CDH23: variants seen among roughly 807,000 people sequenced by gnomAD.
CDH23 encodes cadherin-23.
Under a neutral mutation model 317.1 loss-of-function variants are expected in CDH23, and 189 were observed. That is an observed-to-expected ratio of 0.60 (90% CI 0.53 to 0.67). The LOEUF is 0.67. Ranked by LOEUF, CDH23 falls within the 30% of genes least tolerant of loss-of-function variation. CDH23 has a pLI of 0.00. For synonymous variants in CDH23, 1,839 were observed against 1,876.8 expected (o/e 0.98, Z 0.52); for missense variants, 4,401 against 4,592.4 (o/e 0.96, Z 1.20).
rs1424767460 is a variant in CDH23 at position 71,741,388 on chromosome 10, G to A, written c.4618-306G>A. 3.3e-5 allele frequency among the ~76,000 whole-genome samples: 5 copies of A among 152,284 alleles called. 1 individual carries two copies. Among genetic ancestry groups the A allele is most frequent in the South Asian group, 4.1e-4 (2 of 4,824 alleles). The stretch of plus-strand genomic sequence containing the variant: ...CCTCACTTCAGCCCACTGATTGGCT[G>A]TGTGGACTTGCACACATTCCTTCCC... On this transcript the variant is annotated intron_variant, in intron 37 of 69. Coordinates refer to ENST00000224721, the MANE Select transcript of CDH23 (RefSeq NM_022124.6).
intron 38 of CDH23, among the ~76,000 whole-genome samples, chr10:71,777,236 T>C (rs1840834676): frequency 1.3e-5 from 2 of 152,236 alleles, no homozygotes; most frequent in South Asian, 2.1e-4. Flanking sequence ...TTGGGCCGAG[T>C]GCCTCACATT....
chr10:71,682,230 C>T (rs181277608), intron 17 of CDH23, among the ~76,000 whole-genome samples: 1 of 152,334 alleles, frequency 6.6e-6, no homozygotes, highest in East Asian at 1.9e-4. Context: ...TACATTACCA[C>T]CAGCTATCAC....
At position 71,431,658 on chromosome 10, in the gene CDH23, C is replaced by T. The variant is rs1849377415; in HGVS notation, c.-5-8169C>T. On this transcript the variant is annotated intron_variant, in intron 1 of 69. Coordinates refer to ENST00000224721, the MANE Select transcript of CDH23 (RefSeq NM_022124.6). ...TTATGGGAATTCATAACAGTTCAAA[C>T]TAAATCGTGGCACCATGCTGTGAAA... Among the ~76,000 whole-genome samples, 4 of 152,384 alleles carry T rather than the reference C, an allele frequency of 2.6e-5. No homozygotes were observed. In the South Asian group the frequency reaches 8.3e-4, roughly 32 times the overall value.
intron 6 of CDH23, among the ~76,000 whole-genome samples, chr10:71,535,254 G>A (rs61853868): frequency 6.6e-6 from 1 of 152,228 alleles, no homozygotes. Flanking sequence ...GTAAATTATA[G>A]CCTGTGTCTT....
intron 40 of CDH23, 123 bp downstream of exon 40, chr10:71,778,431 C>T: frequency 3.9e-6 from 5 of 1,289,396 alleles, no homozygotes; most frequent in Non-Finnish European, 5.4e-6. Flanking sequence ...AAATCCAAGA[C>T]CCCTGTCCTA....
intron 1 of CDH23, among the ~76,000 whole-genome samples, chr10:71,408,193 T>G (rs1848198698): frequency 1.3e-5 from 2 of 152,304 alleles, no homozygotes; most frequent in South Asian, 4.1e-4. Context: ...CCATCTTTTT[T>G]GGATTTGTAC....
intron 11 of CDH23, among the ~76,000 whole-genome samples, chr10:71,640,420 G>A (rs1342534815): frequency 6.6e-6 from 1 of 152,192 alleles, no homozygotes. Flanking sequence ...TCAGACATTA[G>A]TGAGCATCAG....
intron 64 of CDH23, 30 bp downstream of exon 64, chr10:71,811,620 G>A (rs775257531): frequency 6.2e-7 from 1 of 1,613,768 alleles, no homozygotes; most frequent in South Asian, 1.1e-5. Flanking sequence ...GCCATCAGGG[G>A]GCCGACCACC....
intron 31 of CDH23, 102 bp downstream of exon 31, chr10:71,730,706 T>C (rs1839347131): frequency 3.3e-6 from 5 of 1,516,082 alleles, no homozygotes; most frequent in Non-Finnish European, 4.5e-6. Flanking sequence ...TGCTTCAGGC[T>C]CCCCATTTAG....
chr10:71,698,861 GT>G (rs1214624506), intron 22 of CDH23, among the ~76,000 whole-genome samples: 1 of 152,140 alleles, frequency 6.6e-6, no homozygotes, highest in African/African-American at 2.4e-5. Context: ...GCAGCCTCTG[GT>G]ACCAAAATGC....
intron 38 of CDH23, among the ~76,000 whole-genome samples, chr10:71,759,886 TATACACAC>T (rs1840267235): frequency 5.1e-5 from 3 of 58,682 alleles, no homozygotes; most frequent in East Asian, 4.6e-4. Flanking sequence ...CACACACACA[TATACACAC>T]ACACATATAT....
chr10:71,778,382 G>T, intron 40 of CDH23, 74 bp downstream of exon 40: 1 of 1,578,482 alleles, frequency 6.3e-7, no homozygotes. Flanking sequence ...GCTCCGATGC[G>T]GGAAGGGGTT....
intron 6 of CDH23, among the ~76,000 whole-genome samples, chr10:71,553,733 A>G (rs187924786): frequency 9.4e-4 from 143 of 152,364 alleles, no homozygotes; most frequent in African/African-American, 3.2e-3. Context: ...TTTGTTTAAC[A>G]TGATTCATCA....
In CDH23 at chr10:71,792,833, A is replaced by T. The variant is rs1285511099; in HGVS notation, c.6254-349A>T. On this transcript the variant is annotated intron_variant, in intron 47 of 69. Transcript: ENST00000224721. ...TAAGACTCCATCTAAAAAAAAAAAA[A>T]AAAAAAAAAAAAAAAAAAAATATAT... 6.6e-5 allele frequency among the ~76,000 whole-genome samples: 5 copies of T among 76,046 alleles called. No individual in the cohort carries two copies. The South Asian group carries it at 1.5e-3, about 23-fold the overall frequency. 49.9% of individuals were successfully genotyped at this position (76,046 alleles called of 152,430 possible). A position where few individuals can be genotyped will look rare whatever the true frequency, so the allele number is the denominator to read the frequency against.
chr10:71,490,593 T>C (rs115170251), intron 3 of CDH23, among the ~76,000 whole-genome samples: 2 of 152,186 alleles, frequency 1.3e-5, no homozygotes, highest in African/African-American at 4.8e-5. Context: ...TGAACAGTAG[T>C]TGATAGCTGA....
At chr10:71,739,175 G>A (rs1337726577) in intron 35 of CDH23, among the ~76,000 whole-genome samples, 1 of 152,222 alleles carries the variant, frequency 6.6e-6, no homozygotes, top group African/African-American at 2.4e-5. Flanking sequence ...ACAAAAGTGT[G>A]TAGGTTCAGA....
At chr10:71,752,639 G>A (rs561013277) in intron 38 of CDH23, among the ~76,000 whole-genome samples, 94 of 152,186 alleles carry the variant, frequency 6.2e-4, no homozygotes, top group Non-Finnish European at 3.1e-4. Context: ...CAGCTCAAGG[G>A]CTGTGGCTGG....
In CDH23 at chr10:71,578,093, G is replaced by A. The variant is rs6480531; in HGVS notation, c.832+101G>A. The A allele has an allele frequency of 0.4, 469,327 of 1,183,800 alleles. 94,013 individuals carry two copies. Among genetic ancestry groups the A allele is most frequent in the African/African-American group, 0.53 (35,321 of 66,030 alleles). 73.3% of individuals were successfully genotyped at this position (1,183,800 alleles called of 1,614,324 possible). On this transcript the variant is annotated intron_variant, in intron 9 of 69. Coordinates refer to ENST00000224721, the MANE Select transcript of CDH23 (RefSeq NM_022124.6). ...CTCTGAGGGCTAAGGAGAGGTCTGC[G>A]GGCATGTGGGACAGGGTAGGAGACC...
chr10:71,707,360 T>A, intron 26 of CDH23: 1 of 1,383,462 alleles, frequency 7.2e-7, no homozygotes, highest in East Asian at 2.6e-5. Flanking sequence ...GGAGGAGCCC[T>A]GAGCCCCACT....
Sources: allele counts gnomAD v4.1 joint callset (sites outside exome capture counted in the v4.1 genomes callset), GRCh38; gene constraint gnomAD v4.1.1; transcripts MANE v1.5; gene names NCBI Gene and HGNC (gene_info 2026-07-23, HGNC 2026-07-21).